The following ABCC1 variants were observed in gnomAD, a reference collection of about 807,000 sequenced individuals.
ABCC1 encodes ATP binding cassette subfamily C member 1 (ABCC1 blood group), also known as multidrug resistance-associated protein 1.
A neutral mutation model predicts 172.9 loss-of-function variants in ABCC1; 83 were observed. The ratio of observed to expected loss-of-function variants is 0.48; its 90% confidence interval spans 0.40 to 0.58. ABCC1 has a LOEUF of 0.58. Ranked by LOEUF, ABCC1 falls within the 20% of genes least tolerant of loss-of-function variation. The pLI, the probability that ABCC1 is intolerant of heterozygous loss-of-function variation, is 0.00. For synonymous variants in ABCC1, 937 were observed against 825.2 expected (o/e 1.14, Z -2.32); for missense variants, 1,817 against 2,002.7 (o/e 0.91, Z 1.77).
chr16:16,041,775 C>G (rs957830254), intron 7 of ABCC1, among the ~76,000 whole-genome samples: 1 of 152,078 alleles, frequency 6.6e-6, no homozygotes. Context: ...TTTACCACCT[C>G]TCTTCACCCA....
chr16:16,141,436 C>T lies in ABCC1; in HGVS notation c.*155C>T, dbSNP rs966357724. 1.8e-5 allele frequency: 12 copies of T among 652,776 alleles called. No individual in the cohort carries two copies. Among genetic ancestry groups the T allele is most frequent in the Middle Eastern group, 3.9e-4 (1 of 2,574 alleles). 40.4% of individuals were successfully genotyped at this position (652,776 alleles called of 1,614,324 possible). Reference sequence around the variant, plus strand: ...AAAACATATTCAAAGCAGCAGCCACCGCCATCCGGTCCCCTGCCTGGAACT... The same window carrying T: ...AAAACATATTCAAAGCAGCAGCCACTGCCATCCGGTCCCCTGCCTGGAACT... On this transcript the variant is annotated 3_prime_UTR_variant, in exon 31 of 31. Coordinates refer to ENST00000399410, the MANE Select transcript of ABCC1 (RefSeq NM_004996.4).
chr16:15,990,818 T>C (rs1176357801), intron 1 of ABCC1, among the ~76,000 whole-genome samples: 4 of 35,508 alleles, frequency 1.1e-4, no homozygotes, highest in Non-Finnish European at 5.2e-4. Flanking sequence ...CCCGGCTAAT[T>C]TTTTTTTTTT....
chr16:16,106,723 G>A lies in ABCC1; in HGVS notation c.2736-15G>A, dbSNP rs1402742749. 6.2e-7 allele frequency: 1 copy of A among 1,613,842 alleles called. No individual in the cohort carries two copies. ...GCATCTGTACGGTTGACACCCTTGT[G>A]CTTTGCTTCTCCAGACAGCTCAGCA... is the stretch of plus-strand genomic sequence containing the variant. On this transcript the variant is annotated splice_polypyrimidine_tract_variant and intron_variant, in intron 20 of 30. Transcript: ENST00000399410.
Position 16,048,561 on chromosome 16 carries a change from C to T in ABCC1, c.1380+258C>T, listed in dbSNP as rs896306306. Reference sequence around the variant, plus strand: ...CCTTGACAGTGTCAGTAATTAACTACCCTACAATGGACGACACATCATATT... The same window carrying T: ...CCTTGACAGTGTCAGTAATTAACTATCCTACAATGGACGACACATCATATT... On this transcript the variant is annotated intron_variant, in intron 10 of 30. Transcript: ENST00000399410. Among the ~76,000 whole-genome samples the T allele has an allele frequency of 1.3e-5, 2 of 152,192 alleles. 1 individual carries two copies. The highest frequency in any genetic ancestry group is 1.3e-4 in the Admixed American group (2 of 15,272).
chr16:15,956,911 A>G (rs756411254), intron 1 of ABCC1, among the ~76,000 whole-genome samples: 2 of 152,086 alleles, frequency 1.3e-5, no homozygotes, highest in Non-Finnish European at 2.9e-5. Flanking sequence ...TGTGTTGTTC[A>G]AGGGTCAGCT....
intron 26 of ABCC1, among the ~76,000 whole-genome samples, chr16:16,126,731 CTTTTCCTTTTGTGATTGTAATAAA>C (rs1024722929): frequency 2.6e-5 from 4 of 152,166 alleles, no homozygotes; most frequent in Non-Finnish European, 5.9e-5. Context: ...AATAATACTA[CTTTTCCTTTTGTGATTGTAATAAA>C]TTTTCCTCTT....
intron 12 of ABCC1, chr16:16,056,637 C>A: frequency 3.2e-6 from 1 of 312,316 alleles, no homozygotes; most frequent in South Asian, 4.0e-5. Context: ...CCAGTGCACT[C>A]CAGCCTGGGC....
intron 10 of ABCC1, among the ~76,000 whole-genome samples, chr16:16,051,511 T>A (rs2049428232): frequency 6.6e-6 from 1 of 152,046 alleles, no homozygotes; most frequent in Non-Finnish European, 1.5e-5. Context: ...TAGCAAGGAA[T>A]TAAGGCACAC....
At chr16:16,100,151 G>A (rs2051662227) in intron 19 of ABCC1, among the ~76,000 whole-genome samples, 2 of 152,152 alleles carry the variant, frequency 1.3e-5, no homozygotes. Context: ...CCTCCTCTTA[G>A]GCGCTTGGTC....
chr16:16,131,344 C>T (rs1340185663), intron 26 of ABCC1, among the ~76,000 whole-genome samples: 1 of 152,168 alleles, frequency 6.6e-6, no homozygotes, highest in Non-Finnish European at 1.5e-5. Flanking sequence ...AGTTCACTTT[C>T]TATATCAGCA....
intron 1 of ABCC1, among the ~76,000 whole-genome samples, chr16:15,988,705 G>T (rs1024195409): frequency 1.3e-5 from 2 of 152,174 alleles, no homozygotes; most frequent in Non-Finnish European, 2.9e-5. Context: ...GATGCTTGCT[G>T]CTGACATTTG....
chr16:15,957,698 C>A (rs571220289), intron 1 of ABCC1, among the ~76,000 whole-genome samples: 13 of 152,080 alleles, frequency 8.5e-5, no homozygotes, highest in African/African-American at 3.1e-4. Context: ...TGGGTTCAAG[C>A]AATTCTGCCT....
intron 22 of ABCC1, among the ~76,000 whole-genome samples, chr16:16,113,577 C>T (rs1222937277): frequency 6.6e-6 from 1 of 152,100 alleles, no homozygotes; most frequent in Non-Finnish European, 1.5e-5. Flanking sequence ...ATTGCTTGAG[C>T]CCAGGAGGTC....
Position 16,114,934 on chromosome 16 carries a change from T to C in ABCC1, c.3248T>C (p.Val1083Ala). 1 of 1,614,116 alleles carries C rather than the reference T, an allele frequency of 6.2e-7. No homozygotes were observed. Among genetic ancestry groups the C allele is most frequent in the Non-Finnish European group, 8.5e-7 (1 of 1,180,000 alleles). The change falls in exon 23 of 31, where the codon GTG becomes GCG. Residue 1083 changes from valine to alanine, a missense_variant. By Grantham distance (64) the Val-to-Ala change is moderately conservative. Coordinates refer to ENST00000399410, the MANE Select transcript of ABCC1 (RefSeq NM_004996.4). ...VNRFSKELDT[V>A]DSMIPEVIKM... ...CGCTTCTCCAAGGAGCTGGACACAGTGGACTCCATGATCCCGGAGGTCATC... is the reference window on the plus strand; with the variant it reads ...CGCTTCTCCAAGGAGCTGGACACAGCGGACTCCATGATCCCGGAGGTCATC...
At position 16,086,930 on chromosome 16, in the gene ABCC1, C is replaced by T. The variant is rs745761246; in HGVS notation, c.2399C>T (p.Ala800Val). The T allele has an allele frequency of 1.2e-6, 2 of 1,614,190 alleles. No individual in the cohort carries two copies. Among genetic ancestry groups the T allele is most frequent in the Admixed American group, 1.7e-5 (1 of 60,012 alleles). The change falls in exon 18 of 31, where the codon GCC becomes GTC. Residue 800 changes from alanine to valine, a missense_variant. Ala to Val is a moderately conservative substitution (Grantham distance 64). Coordinates refer to ENST00000399410, the MANE Select transcript of ABCC1 (RefSeq NM_004996.4). ...GATGATCCCCTCTCAGCAGTGGATG[C>T]CCATGTGGGAAAACACATCTTTGAA... ...LFDDPLSAVD[A>V]HVGKHIFENV...
intron 30 of ABCC1, 123 bp from the exon 31 acceptor site, chr16:16,141,050 C>T (rs2046107446): frequency 1.3e-6 from 1 of 745,700 alleles, no homozygotes; most frequent in African/African-American, 1.7e-5. Context: ...GGTACTGCAC[C>T]AGTCCTAGCA....
chr16:16,070,439 C>T (rs565382310), intron 13 of ABCC1, among the ~76,000 whole-genome samples: 33 of 152,096 alleles, frequency 2.2e-4, no homozygotes, highest in African/African-American at 6.7e-4. Context: ...CCGAGGTGGG[C>T]GGATCATGAG....
chr16:16,072,695 C>A (rs187609618), intron 14 of ABCC1, among the ~76,000 whole-genome samples: 4 of 152,016 alleles, frequency 2.6e-5, no homozygotes, highest in Admixed American at 1.3e-4. Flanking sequence ...CGTTTCCCAG[C>A]CCATCCCCCT....
At chr16:16,114,717 G>A in intron 22 of ABCC1, 49 bp from the exon 23 acceptor site, 1 of 1,536,250 alleles carries the variant, frequency 6.5e-7, no homozygotes, top group Non-Finnish European at 8.8e-7. Flanking sequence ...TGCAGTGCCT[G>A]GTCAGCTCCC....
Sources: gnomAD v4.1 joint callset for allele counts (sites outside exome capture counted in the v4.1 genomes callset) on GRCh38, gnomAD v4.1.1 for gene constraint, MANE v1.5 for transcripts, NCBI Gene and HGNC (gene_info 2026-07-23, HGNC 2026-07-21) for gene names.